PTPRM: variants seen among roughly 807,000 people sequenced by gnomAD.
The protein encoded by PTPRM is protein tyrosine phosphatase receptor type M.
PTPRM carries 47 observed loss-of-function variants against 186.7 expected under a neutral mutation model. The ratio of observed to expected loss-of-function variants is 0.25; its 90% confidence interval spans 0.20 to 0.32. PTPRM has a LOEUF of 0.32. Ranked by LOEUF, PTPRM falls within the 10% of genes least tolerant of loss-of-function variation. The pLI, the probability that PTPRM is intolerant of heterozygous loss-of-function variation, is 1.00. For missense variants in PTPRM, 1,494 were observed against 1,865.0 expected, an observed-to-expected ratio of 0.80 and a Z score of 3.66; for synonymous variants, 668 against 674.9, an observed-to-expected ratio of 0.99 and a Z score of 0.16.
intron 1 of PTPRM, among the ~76,000 whole-genome samples, chr18:7,613,541 C>T (rs1235287392): frequency 6.6e-6 from 1 of 152,090 alleles, no homozygotes; most frequent in East Asian, 1.9e-4. Context: ...GGCATGGTGG[C>T]ATGTACCTGC....
chr18:8,176,859 G>A (rs1297227041), intron 14 of PTPRM, among the ~76,000 whole-genome samples: 6 of 152,202 alleles, frequency 3.9e-5, no homozygotes, highest in African/African-American at 1.4e-4. Flanking sequence ...TGCAGAGTTG[G>A]TGACTAATAT....
chr18:8,154,148 C>T (rs908845474), intron 14 of PTPRM, among the ~76,000 whole-genome samples: 32 of 152,096 alleles, frequency 2.1e-4, no homozygotes, highest in African/African-American at 7.5e-4. Flanking sequence ...TACATGTTTT[C>T]GACCTTCACA....
intron 5 of PTPRM, among the ~76,000 whole-genome samples, chr18:7,948,886 A>G (rs2052738807): frequency 6.6e-6 from 1 of 152,180 alleles, no homozygotes. Flanking sequence ...CAAGGTAACA[A>G]GTTTTCTGTA....
rs142256223 is a variant in PTPRM at position 8,022,045 on chromosome 18, G to C, written c.1133-47641G>C. 1.9e-3 allele frequency among the ~76,000 whole-genome samples: 288 copies of C among 152,160 alleles called. 2 individuals are homozygous for C. The highest frequency in any genetic ancestry group is 3.4e-3 in the Middle Eastern group (1 of 292). ...GAAAATAAAAATAAAATTCAATAAT[G>C]AAAAAAGGAAAATAAGAATACAGGC... On this transcript the variant is annotated intron_variant, in intron 7 of 32. Transcript: ENST00000580170.
At chr18:8,302,874 A>G (rs1165223196) in intron 20 of PTPRM, among the ~76,000 whole-genome samples, 1 of 152,060 alleles carries the variant, frequency 6.6e-6, no homozygotes, top group African/African-American at 2.4e-5. Context: ...TCAGGTTGGC[A>G]TGAGATCAAC....
chr18:8,200,197 G>A (rs902925156), intron 14 of PTPRM, among the ~76,000 whole-genome samples: 2 of 152,148 alleles, frequency 1.3e-5, no homozygotes, highest in Non-Finnish European at 2.9e-5. Context: ...CAAGTTTGGG[G>A]ACTTCAAAAG....
At chr18:8,102,227 C>G (rs1490513403) in intron 11 of PTPRM, among the ~76,000 whole-genome samples, 2 of 152,172 alleles carry the variant, frequency 1.3e-5, no homozygotes, top group Non-Finnish European at 2.9e-5. Context: ...GCTGACTAAT[C>G]AGGGTGGTAG....
At chr18:8,052,244 G>A (rs1032164127) in intron 7 of PTPRM, among the ~76,000 whole-genome samples, 1 of 152,136 alleles carries the variant, frequency 6.6e-6, no homozygotes, top group African/African-American at 2.4e-5. Context: ...TACAAATTCT[G>A]GGGCTTCATC....
intron 22 of PTPRM, among the ~76,000 whole-genome samples, chr18:8,320,218 C>G (rs1229945552): frequency 6.6e-6 from 1 of 152,122 alleles, no homozygotes; most frequent in East Asian, 1.9e-4. Context: ...GCAGGGTGTA[C>G]ACAGACAGTC....
At chr18:8,151,130 C>G (rs1349730006) in intron 14 of PTPRM, among the ~76,000 whole-genome samples, 2 of 152,154 alleles carry the variant, frequency 1.3e-5, no homozygotes, top group Non-Finnish European at 2.9e-5. Context: ...TGAGGAGGCA[C>G]TCTGTCCCTT....
intron 14 of PTPRM, among the ~76,000 whole-genome samples, chr18:8,201,419 G>A (rs1314444032): frequency 6.6e-6 from 1 of 152,200 alleles, no homozygotes; most frequent in Non-Finnish European, 1.5e-5. Flanking sequence ...TTAAATATGT[G>A]AATGGCTCAT....
At chr18:8,196,455 G>T (rs997960444) in intron 14 of PTPRM, among the ~76,000 whole-genome samples, 2 of 152,206 alleles carry the variant, frequency 1.3e-5, no homozygotes, top group African/African-American at 4.8e-5. Context: ...ACAAGGAGGT[G>T]CTGCGCAGGT....
chr18:7,919,209 T>C (rs1416191711), intron 4 of PTPRM, among the ~76,000 whole-genome samples: 1 of 152,178 alleles, frequency 6.6e-6, no homozygotes, highest in East Asian at 1.9e-4. Context: ...TATACTACAT[T>C]TTGAAATCAG....
At chr18:7,720,147 G>A (rs1238984145) in intron 1 of PTPRM, among the ~76,000 whole-genome samples, 1 of 152,106 alleles carries the variant, frequency 6.6e-6, no homozygotes, top group Non-Finnish European at 1.5e-5. Flanking sequence ...AAAAATATCA[G>A]CTATCTTCAA....
intron 1 of PTPRM, among the ~76,000 whole-genome samples, chr18:7,737,738 G>A (rs2040801618): frequency 6.6e-6 from 1 of 152,116 alleles, no homozygotes; most frequent in Non-Finnish European, 1.5e-5. Flanking sequence ...CTGTACCTTT[G>A]GACCAATGTG....
intron 1 of PTPRM, among the ~76,000 whole-genome samples, chr18:7,654,028 T>C (rs775489466): frequency 6.6e-6 from 1 of 152,224 alleles, no homozygotes; most frequent in Non-Finnish European, 1.5e-5. Context: ...TGTGAGATGG[T>C]ATCTCACTGT....
chr18:8,063,233 G>C lies in PTPRM; in HGVS notation c.1133-6453G>C, dbSNP rs562485566. On this transcript the variant is annotated intron_variant, in intron 7 of 32. Transcript: ENST00000580170. Reference sequence around the variant, plus strand: ...GTGACCCGATTTTCCAGGTGCGCCCGTCACCCCTTTCTTTGACTCGGAAAG... The same window carrying C: ...GTGACCCGATTTTCCAGGTGCGCCCCTCACCCCTTTCTTTGACTCGGAAAG... Among the ~76,000 whole-genome samples the C allele has an allele frequency of 1.1e-3, 173 of 151,198 alleles. 1 individual carries two copies. The highest frequency in any genetic ancestry group is 4.0e-3 in the African/African-American group (161 of 40,644).
chr18:7,891,082 G>A (rs12326604), intron 3 of PTPRM, among the ~76,000 whole-genome samples: 52,160 of 150,138 alleles, frequency 0.35, 9,925 homozygotes, highest in East Asian at 0.56. Flanking sequence ...TTTAAGACCA[G>A]CCTGGGCAAC....
At chr18:8,187,112 G>A (rs1332603679) in intron 14 of PTPRM, among the ~76,000 whole-genome samples, 1 of 152,050 alleles carries the variant, frequency 6.6e-6, no homozygotes. Flanking sequence ...GCAAATTTTT[G>A]TATTTTTAGC....
Sources: gnomAD v4.1 joint callset for allele counts (sites outside exome capture counted in the v4.1 genomes callset) on GRCh38, gnomAD v4.1.1 for gene constraint, MANE v1.5 for transcripts, NCBI Gene and HGNC (gene_info 2026-07-23, HGNC 2026-07-21) for gene names.